TNRC6A: variants seen among roughly 807,000 people sequenced by gnomAD.
The protein encoded by TNRC6A is trinucleotide repeat-containing gene 6A protein.
A neutral mutation model predicts 221.2 loss-of-function variants in TNRC6A; 44 were observed. The observed-to-expected ratio is 0.20, with a 90% CI of 0.16 to 0.26. TNRC6A has a LOEUF of 0.26. Ranked by LOEUF, TNRC6A falls within the 10% of genes least tolerant of loss-of-function variation. The pLI is 1.00. For missense variants in TNRC6A, 2,199 were observed against 2,404.4 expected (o/e 0.91, Z 1.79); for synonymous variants, 847 against 838.5 (o/e 1.01, Z -0.18).
At chr16:24,612,968 C>T (rs1423553028) in intron 1 of TNRC6A, among the ~76,000 whole-genome samples, 2 of 151,366 alleles carry the variant, frequency 1.3e-5, no homozygotes, top group African/African-American at 4.9e-5. Context: ...AACTGAAGGC[C>T]GGGAGTGGTA....
rs2058839869 is a variant in TNRC6A at position 24,824,862 on chromosome 16, G to T, written c.*1055G>T. 6.6e-6 allele frequency: 1 copy of T among 151,048 alleles called. No individual in the cohort carries two copies. The highest frequency in any genetic ancestry group is 1.5e-5 in the Non-Finnish European group (1 of 67,782). The allele number at this position is 151,048 out of a possible 1,614,324, so 9.4% of individuals were successfully genotyped here. ...TGATACTACATATTGCTCTGTTAAA[G>T]AATTTTCTCTGCCAAAAAAAAAGAA... On this transcript the variant is annotated 3_prime_UTR_variant, in exon 25 of 25. Transcript: ENST00000395799.
chr16:24,726,633 C>T (rs1295687401), upstream of TNRC6A, among the ~76,000 whole-genome samples: 1 of 152,086 alleles, frequency 6.6e-6, no homozygotes, highest in Non-Finnish European at 1.5e-5. Flanking sequence ...GTGGAAGGTG[C>T]TTGTGTTGAA....
chr16:24,628,015 C>T (rs1053138343), intron 1 of TNRC6A, among the ~76,000 whole-genome samples: 5 of 151,676 alleles, frequency 3.3e-5, no homozygotes, highest in Admixed American at 2.0e-4. Context: ...TGTTTTCTAG[C>T]AATTTTGGAT....
At chr16:24,720,934 A>T (rs928826946) in intron 2 of TNRC6A, among the ~76,000 whole-genome samples, 1 of 151,692 alleles carries the variant, frequency 6.6e-6, no homozygotes, top group African/African-American at 2.4e-5. Context: ...AGGCACCTGT[A>T]GTCCCAGCCA....
chr16:24,638,577 G>A (rs898968350), intron 1 of TNRC6A, among the ~76,000 whole-genome samples: 14 of 152,112 alleles, frequency 9.2e-5, no homozygotes, highest in African/African-American at 3.1e-4. Flanking sequence ...GCTGGGTGTG[G>A]TGGCATGTGC....
chr16:24,773,755 A>G (rs2057661848), intron 4 of TNRC6A, among the ~76,000 whole-genome samples: 1 of 151,652 alleles, frequency 6.6e-6, no homozygotes, highest in South Asian at 2.1e-4. Context: ...TGAATATGAA[A>G]TTTGTCTTAT....
At chr16:24,752,916 G>A (rs1329962331) in intron 3 of TNRC6A, among the ~76,000 whole-genome samples, 1 of 152,126 alleles carries the variant, frequency 6.6e-6, no homozygotes, top group East Asian at 1.9e-4. Flanking sequence ...TATTTGTTTG[G>A]AATTTATTCT....
intron 18 of TNRC6A, among the ~76,000 whole-genome samples, chr16:24,814,920 TTAA>T (rs1345874535): frequency 1.3e-5 from 2 of 152,204 alleles, no homozygotes; most frequent in African/African-American, 4.8e-5. Context: ...TTCTGGTCAC[TTAA>T]TGATGTTTAT....
At chr16:24,649,100 G>A (rs1408186655) in intron 2 of TNRC6A, among the ~76,000 whole-genome samples, 1 of 151,774 alleles carries the variant, frequency 6.6e-6, no homozygotes. Context: ...GGGCAACATA[G>A]TGAGACCCTG....
chr16:24,760,626 T>C (rs934510212), intron 4 of TNRC6A, among the ~76,000 whole-genome samples: 3 of 152,218 alleles, frequency 2.0e-5, no homozygotes, highest in South Asian at 2.1e-4. Context: ...TATGTATTTG[T>C]CTAGGTAGTA....
intron 2 of TNRC6A, among the ~76,000 whole-genome samples, chr16:24,738,512 T>G (rs2056820537): frequency 6.6e-6 from 1 of 152,240 alleles, no homozygotes; most frequent in African/African-American, 2.4e-5. Flanking sequence ...CTCTATGGAC[T>G]TACCTATTTT....
rs16974111 is a variant in TNRC6A at position 24,823,058 on chromosome 16, G to A, written c.5513+45G>A. The A allele has an allele frequency of 5.8e-3, 9,280 of 1,613,202 alleles. 468 individuals are homozygous for A. In the African/African-American group the frequency reaches 0.11, roughly 19 times the overall value. The stretch of plus-strand genomic sequence containing the variant: ...CCCAGTTGGAAGAGTCTAGGGGAAG[G>A]AGTGTGAGAGCACAGCCTGACCCGG... On this transcript the variant is annotated intron_variant, in intron 24 of 24. Coordinates refer to ENST00000395799, the MANE Select transcript of TNRC6A (RefSeq NM_014494.4). This position sits in a 1 kb window ranked among gnomAD's most constrained non-coding sequence, Gnocchi z 4.3.
chr16:24,808,625 A>G (rs1046237521), intron 17 of TNRC6A, among the ~76,000 whole-genome samples: 1 of 152,200 alleles, frequency 6.6e-6, no homozygotes, highest in Non-Finnish European at 1.5e-5. Flanking sequence ...GGTATTAGAG[A>G]ATTTGTATTA....
intron 6 of TNRC6A, among the ~76,000 whole-genome samples, chr16:24,792,613 C>CTTTGT (rs2058129368): frequency 1.8e-5 from 1 of 56,514 alleles, no homozygotes; most frequent in Non-Finnish European, 2.9e-5. Context: ...ACATTTATGG[C>CTTTGT]TTTTTTTTTT....
intron 2 of TNRC6A, among the ~76,000 whole-genome samples, chr16:24,713,601 A>G (rs900322146): frequency 2.0e-5 from 3 of 152,026 alleles, no homozygotes; most frequent in Admixed American, 6.6e-5. Flanking sequence ...GTCTCTGGCT[A>G]CTTTTAAGAT....
At chr16:24,638,331 T>C (rs1367285798) in intron 1 of TNRC6A, among the ~76,000 whole-genome samples, 1 of 151,984 alleles carries the variant, frequency 6.6e-6, no homozygotes, top group South Asian at 2.1e-4. Flanking sequence ...GGTGGGAGGA[T>C]TGCTTGAACC....
chr16:24,793,667 C>T lies in TNRC6A; in HGVS notation c.3352+18C>T, dbSNP rs577851797. ...CAAATCTGGTAAGTTATTGACAATGCCTGGTAGCTGTTATGTAGCAGTGGC... is the reference window on the plus strand; with the variant it reads ...CAAATCTGGTAAGTTATTGACAATGTCTGGTAGCTGTTATGTAGCAGTGGC... On this transcript the variant is annotated intron_variant, in intron 7 of 24. Coordinates refer to ENST00000395799, the MANE Select transcript of TNRC6A (RefSeq NM_014494.4). 7.1e-7 allele frequency: 1 copy of T among 1,404,420 alleles called. No homozygotes were observed. The highest frequency in any genetic ancestry group is 1.4e-5 in the African/African-American group (1 of 69,120). The allele number at this position is 1,404,420 out of a possible 1,614,324, so 87.0% of individuals were successfully genotyped here.
At chr16:24,698,899 G>A (rs138009540) in intron 2 of TNRC6A, among the ~76,000 whole-genome samples, 4,380 of 152,084 alleles carry the variant, frequency 0.029, 224 homozygotes, top group African/African-American at 0.099. Flanking sequence ...TAGTAGAGAC[G>A]GGGTTTCACT....
Position 24,797,958 on chromosome 16 carries a change from T to C in TNRC6A, c.3686T>C (p.Leu1229Pro), listed in dbSNP as rs952582792. ...EENVQSNKMDLSGGMLQDKRM... is the reference protein window; with the variant it reads ...EENVQSNKMDPSGGMLQDKRM... Reference sequence around the variant, plus strand: ...AATGTACAAAGCAATAAGATGGACCTTTCTGGAGGTAAGAGAAAATTAAAT... The same window carrying C: ...AATGTACAAAGCAATAAGATGGACCCTTCTGGAGGTAAGAGAAAATTAAAT... The change falls in exon 11 of 25, where the codon CTT becomes CCT. Residue 1229 changes from leucine to proline, a missense_variant. This residue lies in a region of TNRC6A where 158 missense variants were observed against 159.1 expected (regional missense o/e 0.99). Transcript: ENST00000395799. 2 of 1,610,530 alleles carry C rather than the reference T, an allele frequency of 1.2e-6. No homozygotes were observed. Among genetic ancestry groups the C allele is most frequent in the Non-Finnish European group, 1.7e-6 (2 of 1,178,236 alleles).
Sources: allele counts gnomAD v4.1 joint callset (sites outside exome capture counted in the v4.1 genomes callset), GRCh38; gene constraint gnomAD v4.1.1; regional missense constraint gnomAD v4.1.1; non-coding constraint Gnocchi (gnomAD v3.1); transcripts MANE v1.5; gene names NCBI Gene and HGNC (gene_info 2026-07-23, HGNC 2026-07-21).